DOCK1: variants seen among roughly 807,000 people sequenced by gnomAD.
DOCK1 encodes the protein dedicator of cytokinesis protein 1.
A neutral mutation model predicts 262.7 loss-of-function variants in DOCK1; 138 were observed. That is an observed-to-expected ratio of 0.53 (90% CI 0.46 to 0.61). The LOEUF is 0.61. Ranked by LOEUF, DOCK1 falls within the 20% of genes least tolerant of loss-of-function variation. The pLI, the probability that DOCK1 is intolerant of heterozygous loss-of-function variation, is 0.00. For synonymous variants in DOCK1, 866 were observed against 867.4 expected (o/e 1.00, Z 0.03); for missense variants, 1,908 against 2,370.7 (o/e 0.80, Z 4.05).
intron 29 of DOCK1, among the ~76,000 whole-genome samples, chr10:127,328,630 G>A (rs1305018802): frequency 6.6e-6 from 1 of 152,114 alleles, no homozygotes; most frequent in African/African-American, 2.4e-5. Flanking sequence ...GGGACGGCAG[G>A]GACGAGAGGG....
chr10:127,042,849 T>A, intron 20 of DOCK1, 135 bp downstream of exon 20: 1 of 981,590 alleles, frequency 1.0e-6, no homozygotes, highest in East Asian at 2.4e-5. Context: ...CAGAGATGAA[T>A]TGGGGTGGCA....
intron 27 of DOCK1, among the ~76,000 whole-genome samples, chr10:127,241,302 G>A (rs755211143): frequency 3.9e-5 from 6 of 152,194 alleles, no homozygotes; most frequent in Non-Finnish European, 7.3e-5. Context: ...CTGGGAGACA[G>A]AGCAACCCTC....
intron 27 of DOCK1, among the ~76,000 whole-genome samples, chr10:127,207,749 C>G (rs558892590): frequency 5.3e-5 from 8 of 152,284 alleles, no homozygotes; most frequent in Admixed American, 1.3e-4. Context: ...GCTGGTGAAG[C>G]AGGGAAGCAG....
chr10:127,413,325 C>T (rs1488175750), intron 43 of DOCK1, among the ~76,000 whole-genome samples: 1 of 152,224 alleles, frequency 6.6e-6, no homozygotes, highest in Non-Finnish European at 1.5e-5. Flanking sequence ...GCCCTGAAAT[C>T]CCCTAATGGC....
rs188041538 is a variant in DOCK1, at chr10:127,032,424, G to A, written c.1912+104G>A. 5.1e-5 allele frequency: 64 copies of A among 1,244,972 alleles called. 1 individual carries two copies. Among genetic ancestry groups the A allele is most frequent in the Admixed American group, 3.4e-4 (10 of 29,794 alleles). 77.1% of individuals were successfully genotyped at this position (1,244,972 alleles called of 1,614,324 possible). A position where few individuals can be genotyped will look rare whatever the true frequency, so the allele number is the denominator to read the frequency against. Reference sequence around the variant, plus strand: ...AGGTGTGCTCCGTAGGTGCATGAACGTCACCCATAAGGCATTCATTGCATC... The same window carrying A: ...AGGTGTGCTCCGTAGGTGCATGAACATCACCCATAAGGCATTCATTGCATC... On this transcript the variant is annotated intron_variant, in intron 18 of 51. Transcript: ENST00000623213.
At chr10:127,367,273 C>CTGCGATTATATTGAATTTCATT (rs1590728014) in intron 33 of DOCK1, among the ~76,000 whole-genome samples, 1 of 152,304 alleles carries the variant, frequency 6.6e-6, no homozygotes, top group South Asian at 2.1e-4. Context: ...TCCCCAAGAG[C>CTGCGATTATATTGAATTTCATT]CTACTCCTTT....
intron 23 of DOCK1, among the ~76,000 whole-genome samples, chr10:127,086,127 G>A (rs1345869103): frequency 6.6e-6 from 1 of 152,168 alleles, no homozygotes; most frequent in African/African-American, 2.4e-5. Context: ...GAGGGATTCA[G>A]TGAGGGAGAC....
intron 27 of DOCK1, among the ~76,000 whole-genome samples, chr10:127,129,363 C>CA (rs1662621399): frequency 6.6e-6 from 1 of 151,872 alleles, no homozygotes; most frequent in African/African-American, 2.4e-5. Flanking sequence ...TGGATTACAA[C>CA]ATGTATGAAT....
chr10:127,213,798 G>A (rs996491305), intron 27 of DOCK1, among the ~76,000 whole-genome samples: 4 of 152,156 alleles, frequency 2.6e-5, no homozygotes, highest in African/African-American at 9.7e-5. Context: ...CCCTGTAGAC[G>A]TTTCTGCCTT....
intron 23 of DOCK1, among the ~76,000 whole-genome samples, chr10:127,068,732 T>A (rs1479146572): frequency 6.6e-6 from 1 of 152,218 alleles, no homozygotes; most frequent in Non-Finnish European, 1.5e-5. Context: ...CACACATATG[T>A]ATACACCCAC....
chr10:126,946,519 C>A (rs2035420019), intron 1 of DOCK1, among the ~76,000 whole-genome samples: 1 of 152,148 alleles, frequency 6.6e-6, no homozygotes, highest in Non-Finnish European at 1.5e-5. Context: ...ACACTCCAGT[C>A]TGGGCAACAG....
chr10:127,294,067 CT>C (rs1461892467), intron 29 of DOCK1, among the ~76,000 whole-genome samples: 1 of 152,192 alleles, frequency 6.6e-6, no homozygotes. Flanking sequence ...CCACGTTACC[CT>C]CCAGGGCAGG....
intron 23 of DOCK1, among the ~76,000 whole-genome samples, chr10:127,105,467 C>A (rs760468417): frequency 1.8e-4 from 28 of 152,014 alleles, no homozygotes; most frequent in Non-Finnish European, 3.8e-4. Context: ...TGCAGATATA[C>A]AGGAAAACAT....
At chr10:127,160,742 A>G (rs1314304568) in intron 27 of DOCK1, among the ~76,000 whole-genome samples, 1 of 152,238 alleles carries the variant, frequency 6.6e-6, no homozygotes, top group African/African-American at 2.4e-5. Flanking sequence ...AGATATAAAA[A>G]AGGCATGGTC....
chr10:127,027,229 G>T (rs144336995), intron 16 of DOCK1, among the ~76,000 whole-genome samples: 41 of 152,360 alleles, frequency 2.7e-4, no homozygotes, highest in African/African-American at 9.4e-4. Context: ...CCGTGCAGTG[G>T]GCAGTTTCAG....
intron 32 of DOCK1, among the ~76,000 whole-genome samples, chr10:127,360,385 C>T (rs1164777569): frequency 2.0e-5 from 3 of 152,200 alleles, no homozygotes; most frequent in Admixed American, 2.0e-4. Context: ...GGCTGGCCAC[C>T]ACATCAGGCC....
At chr10:127,267,604 G>T (rs2060408658) in intron 29 of DOCK1, among the ~76,000 whole-genome samples, 1 of 152,190 alleles carries the variant, frequency 6.6e-6, no homozygotes. Flanking sequence ...GTCTGTTTAA[G>T]AATTCTCAGA....
chr10:127,133,109 C>T (rs1264144476), intron 27 of DOCK1, among the ~76,000 whole-genome samples: 2 of 152,206 alleles, frequency 1.3e-5, no homozygotes, highest in Non-Finnish European at 1.5e-5. Flanking sequence ...ATTGTGACAA[C>T]AGCATCTTTG....
chr10:126,946,000 T>G (rs2035370105), intron 1 of DOCK1, among the ~76,000 whole-genome samples: 1 of 152,228 alleles, frequency 6.6e-6, no homozygotes, highest in Non-Finnish European at 1.5e-5. Flanking sequence ...GGACTCTTTT[T>G]AAACAGCTTT....
Sources: gnomAD v4.1 joint callset for allele counts (sites outside exome capture counted in the v4.1 genomes callset) on GRCh38, gnomAD v4.1.1 for gene constraint, MANE v1.5 for transcripts, NCBI Gene and HGNC (gene_info 2026-07-23, HGNC 2026-07-21) for gene names.